APC: variants seen among roughly 807,000 people sequenced by gnomAD.
APC encodes the protein adenomatous polyposis coli protein.
A neutral mutation model predicts 247.0 loss-of-function variants in APC; 72 were observed. The ratio of observed to expected loss-of-function variants is 0.29; its 90% CI spans 0.24 to 0.35. APC has a LOEUF of 0.35. Ranked by LOEUF, APC falls within the 10% of genes least tolerant of loss-of-function variation. The probability of loss-of-function intolerance (pLI) is 1.00; values close to 1 mark genes in which losing one functional copy is unlikely to be tolerated. For missense variants in APC, 3,400 were observed against 3,360.7 expected, an observed-to-expected ratio of 1.01 and a Z score of -0.29; for synonymous variants, 1,254 against 1,162.5, an observed-to-expected ratio of 1.08 and a Z score of -1.60.
chr5:112,818,315 T>TA (rs1162227464), intron 9 of APC, among the ~76,000 whole-genome samples: 1 of 152,246 alleles, frequency 6.6e-6, no homozygotes, highest in Non-Finnish European at 1.5e-5. Flanking sequence ...ACGTAGAATT[T>TA]ATTGTCAGAG....
intron 1 of APC, among the ~76,000 whole-genome samples, chr5:112,746,392 A>G (rs754372809): frequency 3.3e-5 from 5 of 152,340 alleles, no homozygotes; most frequent in Middle Eastern, 3.4e-3. Context: ...ATGAGATAGC[A>G]TAAGCTTAAT....
intron 6 of APC, chr5:112,783,686 T>C: frequency 4.3e-6 from 1 of 230,158 alleles, no homozygotes; most frequent in Middle Eastern, 2.0e-3. Context: ...ACCTAGTTAC[T>C]TGGGAGGCTG....
rs1561617778 is a variant in APC at position 112,843,303 on chromosome 5, C to T, written c.7709C>T (p.Ser2570Leu). Residue 2570 changes from serine to leucine, a missense_variant, in exon 16 of 16, where the codon TCA (serine) becomes TTA (leucine). By Grantham distance (145) the Ser-to-Leu change is moderately radical. This residue lies in a region of APC where 1,788 missense variants were observed against 1,649.5 expected (regional missense o/e 1.08). Transcript: ENST00000257430. The surrounding 1 kb of genome is among the most constrained non-coding windows in gnomAD (Gnocchi z 4.8). ...RVSTWRRTGS[S>L]SSILSASSES... is the part of the protein sequence containing the mutation. Reference sequence around the variant, plus strand: ...AGCACTTGGAGAAGAACTGGAAGTTCATCTTCAATTCTTTCTGCTTCATCA... The same window carrying T: ...AGCACTTGGAGAAGAACTGGAAGTTTATCTTCAATTCTTTCTGCTTCATCA... 6.2e-7 allele frequency: 1 copy of T among 1,613,436 alleles called. No homozygotes were observed. The highest frequency in any genetic ancestry group is 8.5e-7 in the Non-Finnish European group (1 of 1,179,438).
rs571464515 is a variant in APC, at chr5:112,719,621, G to A, written c.165+11739G>A. Among the ~76,000 whole-genome samples the A allele has an allele frequency of 5.4e-4, 81 of 148,898 alleles. No individual in the cohort carries two copies. In the Middle Eastern group the frequency reaches 0.011, roughly 20 times the overall value. ...GTGATCTCCACTCACTGCAACCTCCGCCTCCCAGGTTCAGGCAATTCTCCT... is the reference window on the plus strand; with the variant it reads ...GTGATCTCCACTCACTGCAACCTCCACCTCCCAGGTTCAGGCAATTCTCCT... On this transcript the variant is annotated intron_variant, in intron 1 of 13. Coordinates refer to the APC transcript ENST00000507379.
Position 112,842,515 on chromosome 5 carries a change from G to C in APC, c.6921G>C (p.Ser2307=), listed in dbSNP as rs2229993. 2.5e-6 allele frequency: 4 copies of C among 1,613,912 alleles called. No homozygotes were observed. Among genetic ancestry groups the C allele is most frequent in the Non-Finnish European group, 3.4e-6 (4 of 1,179,922 alleles). The part of the protein sequence containing the change: ...KAPSRSGSRD[S]TPSRPAQQPL... ...CTTCTAGATCAGGATCTAGAGATTC[G>C]ACCCCTTCAAGACCTGCCCAGCAAC... The change falls in exon 16 of 16, where the codon TCG becomes TCC. Residue 2307 remains serine (S), a synonymous_variant. Transcript: ENST00000257430.
intron 1 of APC, among the ~76,000 whole-genome samples, chr5:112,747,133 G>A (rs1753774535): frequency 6.6e-6 from 1 of 152,110 alleles, no homozygotes; most frequent in Non-Finnish European, 1.5e-5. Flanking sequence ...CTGGCCATTA[G>A]CAGTATTCGA....
intron 1 of APC, chr5:112,738,493 G>A (rs1228188798): frequency 3.0e-6 from 3 of 985,668 alleles, no homozygotes; most frequent in East Asian, 2.3e-4. Flanking sequence ...GTGTTGGTTG[G>A]TGAAATACTG....
intron 14 of APC, among the ~76,000 whole-genome samples, chr5:112,833,275 C>G (rs1435904047): frequency 9.3e-5 from 14 of 151,212 alleles, no homozygotes; most frequent in Admixed American, 4.0e-4. Flanking sequence ...CTCTGCCTCC[C>G]TGGTTCAAGC....
chr5:112,837,471 C>T (rs1317181107), intron 15 of APC, 82 bp from the exon 16 acceptor site: 1 of 968,376 alleles, frequency 1.0e-6, no homozygotes, highest in Non-Finnish European at 1.6e-6. Context: ...TCATATTATG[C>T]CTTTTGTCTT....
chr5:112,834,595 G>C (rs1450392775), intron 14 of APC, among the ~76,000 whole-genome samples: 1 of 151,572 alleles, frequency 6.6e-6, no homozygotes, highest in Admixed American at 6.6e-5. Flanking sequence ...CTTTTTTCAA[G>C]CAACCCCAGC....
chr5:112,730,570 C>T (rs1265117884), intron 1 of APC, among the ~76,000 whole-genome samples: 1 of 152,144 alleles, frequency 6.6e-6, no homozygotes, highest in Admixed American at 6.5e-5. Context: ...GTAATGTTTG[C>T]CACTGGTTTA....
intron 2 of APC, among the ~76,000 whole-genome samples, chr5:112,761,781 A>C (rs1280977313): frequency 6.6e-6 from 1 of 152,208 alleles, no homozygotes. Context: ...AAAAGACTCG[A>C]GTGTGCTTCT....
chr5:112,725,017 C>G (rs982734582), intron 1 of APC, among the ~76,000 whole-genome samples: 24 of 152,040 alleles, frequency 1.6e-4, no homozygotes, highest in African/African-American at 5.8e-4. Context: ...AGAGCTTGCT[C>G]TGTCACCCCA....
chr5:112,773,441 G>A (rs1757274796), intron 4 of APC, among the ~76,000 whole-genome samples: 1 of 152,062 alleles, frequency 6.6e-6, no homozygotes, highest in Non-Finnish European at 1.5e-5. Flanking sequence ...AACAATTCAG[G>A]GATTGGCGTA....
intron 8 of APC, among the ~76,000 whole-genome samples, chr5:112,803,432 T>C (rs1219698572): frequency 1.3e-5 from 2 of 152,210 alleles, no homozygotes; most frequent in African/African-American, 2.4e-5. Flanking sequence ...TAAGTGGCTC[T>C]GGAGTCAACA....
At chr5:112,822,100 A>T in intron 11 of APC, 109 bp downstream of exon 11, 1 of 772,884 alleles carries the variant, frequency 1.3e-6, no homozygotes, top group Non-Finnish European at 2.1e-6. Context: ...ATGAATTAGG[A>T]TATAAGGCCA....
chr5:112,772,662 A>G (rs1478533345), intron 4 of APC, among the ~76,000 whole-genome samples: 4 of 151,948 alleles, frequency 2.6e-5, no homozygotes, highest in African/African-American at 9.7e-5. Flanking sequence ...GACTATGAGT[A>G]TCTGCCACAG....
intron 1 of APC, among the ~76,000 whole-genome samples, chr5:112,722,768 G>T (rs889427783): frequency 3.8e-4 from 58 of 152,276 alleles, no homozygotes; most frequent in Admixed American, 1.7e-3. Flanking sequence ...AGGGGCAGGG[G>T]CGCGGAGCTT....
At chr5:112,748,412 T>C (rs1279265146) in intron 1 of APC, among the ~76,000 whole-genome samples, 1 of 152,232 alleles carries the variant, frequency 6.6e-6, no homozygotes, top group Non-Finnish European at 1.5e-5. Flanking sequence ...TTTATATTTC[T>C]AAGATGTTTC....
Sources: allele counts gnomAD v4.1 joint callset (sites outside exome capture counted in the v4.1 genomes callset), GRCh38; gene constraint gnomAD v4.1.1; regional missense constraint gnomAD v4.1.1; non-coding constraint Gnocchi (gnomAD v3.1); transcripts MANE v1.5; gene names NCBI Gene and HGNC (gene_info 2026-07-23, HGNC 2026-07-21).